Variants in RFX2 observed in about 807,000 individuals in gnomAD.
The protein encoded by RFX2 is regulatory factor X2, also known as DNA-binding protein RFX2.
A neutral mutation model predicts 87.8 loss-of-function variants in RFX2; 20 were observed. That is an observed-to-expected ratio of 0.23 (90% CI 0.16 to 0.33). RFX2 has a LOEUF of 0.33. Among genes scored for constraint, RFX2 ranks in the 10% least tolerant of loss-of-function variants. RFX2 has a pLI of 1.00. For missense variants in RFX2, 767 were observed against 1,012.3 expected (o/e 0.76, Z 3.29); for synonymous variants, 397 against 431.3 (o/e 0.92, Z 0.98).
At chr19:6,054,989 CATCTAT>C (rs2087314648) in intron 1 of RFX2, among the ~76,000 whole-genome samples, 1 of 152,128 alleles carries the variant, frequency 6.6e-6, no homozygotes, top group African/African-American at 2.4e-5. Flanking sequence ...AATATATCTA[CATCTAT>C]ATCTATATAT....
intron 1 of RFX2, among the ~76,000 whole-genome samples, chr19:6,084,581 C>A (rs1004082953): frequency 3.3e-5 from 5 of 152,034 alleles, no homozygotes; most frequent in Admixed American, 1.3e-4. Flanking sequence ...GATCTGATGA[C>A]TCTAGGGACC....
At chr19:6,086,438 A>G (rs1275235180) in intron 1 of RFX2, among the ~76,000 whole-genome samples, 1 of 152,238 alleles carries the variant, frequency 6.6e-6, no homozygotes, top group Non-Finnish European at 1.5e-5. Context: ...AGTGCAGGCA[A>G]TTGTAACACA....
rs78380430 is a variant in RFX2, at chr19:6,097,519, G to A, written c.-9+12874C>T. Among the ~76,000 whole-genome samples the A allele has an allele frequency of 5.4e-3, 824 of 152,250 alleles. 9 individuals carry two copies. The highest frequency in any genetic ancestry group is 0.019 in the African/African-American group (777 of 41,518). ...CACCGGGCTTTTACAAGGATTAGAAGTAATACATGTAATACACCAGGCACA... is the reference window on the plus strand; with the variant it reads ...CACCGGGCTTTTACAAGGATTAGAAATAATACATGTAATACACCAGGCACA... On this transcript the variant is annotated intron_variant, in intron 1 of 17. Coordinates refer to ENST00000303657, the MANE Select transcript of RFX2 (RefSeq NM_000635.4).
intron 5 of RFX2, among the ~76,000 whole-genome samples, chr19:6,037,957 C>CA (rs58881565): frequency 1.1e-4 from 17 of 148,246 alleles, no homozygotes; most frequent in Middle Eastern, 3.4e-3. Context: ...GTTTCATAAG[C>CA]AAAAAAAAAT....
At chr19:6,062,304 T>G (rs1359721290) in intron 1 of RFX2, among the ~76,000 whole-genome samples, 4 of 152,150 alleles carry the variant, frequency 2.6e-5, no homozygotes. Context: ...CGGGCAAAGC[T>G]GGTATACGTG....
In RFX2 at chr19:6,020,965, GC is replaced by G. The variant is rs1282263777; in HGVS notation, c.598-4695del. Among the ~76,000 whole-genome samples, 13 of 152,124 alleles carry G rather than the reference GC, an allele frequency of 8.5e-5. No individual in the cohort carries two copies. The highest frequency in any genetic ancestry group is 7.7e-4 in the East Asian group (4 of 5,170). On this transcript the variant is annotated intron_variant, in intron 6 of 17. Transcript: ENST00000303657. The surrounding 1 kb of genome is among the most constrained non-coding windows in gnomAD (Gnocchi z 5.3). ...AAATGCCAGCGCCTCCCTCTCCCCG[GC>G]CCCCCAACAAAGGCCTGTGGTTCTG... is the stretch of plus-strand genomic sequence containing the variant.
chr19:5,997,062 C>G lies in RFX2; in HGVS notation c.2011G>C (p.Glu671Gln). Residue 671 changes from glutamate to glutamine, a missense_variant and splice_region_variant, in exon 16 of 18, where the codon GAG becomes CAG. Around this residue, in one of 2 missense-constraint regions of RFX2, gnomAD observed 621 missense variants for 873.0 expected, o/e 0.71. Transcript: ENST00000303657. The surrounding 1 kb of genome is among the most constrained non-coding windows in gnomAD (Gnocchi z 4.2). Reference protein sequence around the residue: ...TGETPIAVMGEFNDLASLSLT... With the variant: ...TGETPIAVMGQFNDLASLSLT... ...GTCCCACCCAGGAGGGTCCTCACCT[C>G]TCCCATCACAGCGATCGGCGTCTCT... The G allele has an allele frequency of 6.2e-7, 1 of 1,609,848 alleles. No individual in the cohort carries two copies. Among genetic ancestry groups the G allele is most frequent in the Non-Finnish European group, 8.5e-7 (1 of 1,179,328 alleles).
At chr19:6,107,634 A>G (rs2088239183) in intron 1 of RFX2, among the ~76,000 whole-genome samples, 1 of 150,834 alleles carries the variant, frequency 6.6e-6, no homozygotes, top group South Asian at 2.1e-4. Context: ...AAAAAAAAAA[A>G]AAAAAAAAAA....
intron 1 of RFX2, among the ~76,000 whole-genome samples, chr19:6,075,028 C>A (rs2087669847): frequency 6.6e-6 from 1 of 152,088 alleles, no homozygotes; most frequent in Admixed American, 6.5e-5. Flanking sequence ...CCAGAGAGCT[C>A]TCTCTGGCTT....
intron 1 of RFX2, among the ~76,000 whole-genome samples, chr19:6,099,627 A>C (rs751670540): frequency 1.3e-5 from 2 of 152,128 alleles, no homozygotes; most frequent in African/African-American, 4.8e-5. Context: ...ATGAAGCCCT[A>C]TGTACAACAT....
rs1383187256 is a variant in RFX2, at chr19:6,056,548, G to A, written c.-8-9044C>T. Among the ~76,000 whole-genome samples the A allele has an allele frequency of 6.6e-6, 1 of 152,184 alleles. No individual in the cohort carries two copies. Among genetic ancestry groups the A allele is most frequent in the East Asian group, 1.9e-4 (1 of 5,192 alleles). ...GTGGGCAGAGGGCAGGGCCCCGAGG[G>A]CGTGGGTGTACTCAAGGTAAAGTCC... On this transcript the variant is annotated intron_variant, in intron 1 of 17. Transcript: ENST00000303657. This position sits in a 1 kb window ranked among gnomAD's most constrained non-coding sequence, Gnocchi z 4.6.
At position 6,007,995 on chromosome 19, in the gene RFX2, G is replaced by C; in HGVS notation, c.1134+111C>G. ...TGCTGCTTCAGAGAGGATGCTTGTT[G>C]GGGGGCTCGGGGCTCCAGCTCCTCA... On this transcript the variant is annotated intron_variant, in intron 10 of 17. Coordinates refer to ENST00000303657, the MANE Select transcript of RFX2 (RefSeq NM_000635.4). The surrounding 1 kb of genome is among the most constrained non-coding windows in gnomAD (Gnocchi z 8.2). 1 of 858,416 alleles carries C rather than the reference G, an allele frequency of 1.2e-6. No individual in the cohort carries two copies. The highest frequency in any genetic ancestry group is 1.4e-5 in the South Asian group (1 of 69,240). The allele number at this position is 858,416 out of a possible 1,614,324, so 53.2% of individuals were successfully genotyped here. A position where few individuals can be genotyped will look rare whatever the true frequency, so the allele number is the denominator to read the frequency against.
chr19:5,997,610 T>C lies in RFX2; in HGVS notation c.1860-397A>G, dbSNP rs886540562. Among the ~76,000 whole-genome samples, 3 of 152,120 alleles carry C rather than the reference T, an allele frequency of 2.0e-5. No individual in the cohort carries two copies. Among genetic ancestry groups the C allele is most frequent in the Non-Finnish European group, 4.4e-5 (3 of 68,014 alleles). On this transcript the variant is annotated intron_variant, in intron 15 of 17. Transcript: ENST00000303657. The surrounding 1 kb of genome is among the most constrained non-coding windows in gnomAD (Gnocchi z 4.2). ...CACAGGCTGGCAGCTGGTGCCTGTC[T>C]CCCCAGCAGGAGGCGCCTTTCCCCA...
rs1370583623 is a variant in RFX2, at chr19:5,994,761, G to A, written c.*74C>T. ...ATCTAAGAGGCACTAATTTGGTGGA[G>A]CCGGTGAAATCCAGGTTCCCAGAGT... On this transcript the variant is annotated 3_prime_UTR_variant, in exon 18 of 18. Coordinates refer to ENST00000303657, the MANE Select transcript of RFX2 (RefSeq NM_000635.4). The A allele has an allele frequency of 2.1e-6, 2 of 954,438 alleles. No homozygotes were observed. Among genetic ancestry groups the A allele is most frequent in the Admixed American group, 2.0e-5 (1 of 49,246 alleles). The allele number at this position is 954,438 out of a possible 1,614,324, so 59.1% of individuals were successfully genotyped here. A position where few individuals can be genotyped will look rare whatever the true frequency, so the allele number is the denominator to read the frequency against.
intron 12 of RFX2, 86 bp downstream of exon 12, chr19:6,006,926 G>A: frequency 1.3e-6 from 2 of 1,481,998 alleles, no homozygotes; most frequent in East Asian, 4.6e-5. Context: ...ATGGTCTGAG[G>A]TGGCTGAAGA....
chr19:6,095,949 G>C (rs8107977), intron 1 of RFX2, among the ~76,000 whole-genome samples: 1 of 152,182 alleles, frequency 6.6e-6, no homozygotes, highest in South Asian at 2.1e-4. Context: ...CACACGGCCA[G>C]GCCCAAGCTC....
Position 6,002,904 on chromosome 19 carries a change from G to A in RFX2, c.1501-34C>T, listed in dbSNP as rs775823852. 6.3e-6 allele frequency: 10 copies of A among 1,582,168 alleles called. No individual in the cohort carries two copies. The highest frequency in any genetic ancestry group is 4.5e-5 in the South Asian group (4 of 88,174). ...CAGGGCTCGTGGTGAGCAGGGGTTC[G>A]CAGGGAGAGCCTGTTCCGCTGCGCT... On this transcript the variant is annotated intron_variant, in intron 13 of 17. Coordinates refer to ENST00000303657, the MANE Select transcript of RFX2 (RefSeq NM_000635.4). The surrounding 1 kb of genome is among the most constrained non-coding windows in gnomAD (Gnocchi z 6.7).
At chr19:6,009,570 G>A (rs142471244) in intron 9 of RFX2, among the ~76,000 whole-genome samples, 366 of 152,124 alleles carry the variant, frequency 2.4e-3, no homozygotes, top group African/African-American at 8.1e-3. Flanking sequence ...AATATCTAGC[G>A]TTCTTTCTTT....
rs1443113129 is a variant in RFX2 at position 6,013,928 on chromosome 19, T to G, written c.780-823A>C. On this transcript the variant is annotated intron_variant, in intron 7 of 17. Transcript: ENST00000303657. This position sits in a 1 kb window ranked among gnomAD's most constrained non-coding sequence, Gnocchi z 4.1. ...TCAGCTTTGTTGAGCTCCACATGGC[T>G]TATCTCCATTATTATTACCATTATT... is the stretch of plus-strand genomic sequence containing the variant. Among the ~76,000 whole-genome samples the G allele has an allele frequency of 6.6e-6, 1 of 152,186 alleles. No individual in the cohort carries two copies. Among genetic ancestry groups the G allele is most frequent in the African/African-American group, 2.4e-5 (1 of 41,418 alleles).
Sources: gnomAD v4.1 joint callset for allele counts (sites outside exome capture counted in the v4.1 genomes callset) on GRCh38, gnomAD v4.1.1 for gene constraint, gnomAD v4.1.1 regional missense constraint, Gnocchi (gnomAD v3.1) non-coding constraint, MANE v1.5 for transcripts, NCBI Gene and HGNC (gene_info 2026-07-23, HGNC 2026-07-21) for gene names.